Variants in RYR2 observed in about 807,000 individuals in gnomAD.
RYR2 encodes ryanodine receptor 2, also known as cardiac muscle ryanodine receptor-calcium release channel.
Under a neutral mutation model 601.1 loss-of-function variants are expected in RYR2, and 227 were observed. That is an observed-to-expected ratio of 0.38 (90% CI 0.34 to 0.42). RYR2 has a LOEUF of 0.42. Ranked by LOEUF, RYR2 falls within the 10% of genes least tolerant of loss-of-function variation. The probability of loss-of-function intolerance (pLI) is 1.00; values close to 1 mark genes in which losing one functional copy is unlikely to be tolerated. For synonymous variants in RYR2, 2,223 were observed against 2,175.1 expected (o/e 1.02, Z -0.61); for missense variants, 4,646 against 6,156.5 (o/e 0.75, Z 8.21).
chr1:237,518,609 A>G (rs1478602147), intron 24 of RYR2, among the ~76,000 whole-genome samples: 2 of 152,194 alleles, frequency 1.3e-5, no homozygotes, highest in African/African-American at 4.8e-5. Flanking sequence ...TTTACTGCTG[A>G]ATAATAGTCC....
chr1:237,829,459 C>T (rs1663528014), intron 102 of RYR2, among the ~76,000 whole-genome samples: 1 of 152,134 alleles, frequency 6.6e-6, no homozygotes, highest in African/African-American at 2.4e-5. Context: ...AGGGGATATC[C>T]AGGCTTCAGG....
chr1:237,742,204 A>C, intron 79 of RYR2, 92 bp from the exon 80 acceptor site: 3 of 792,488 alleles, frequency 3.8e-6, no homozygotes, highest in Non-Finnish European at 6.1e-6. Flanking sequence ...AATTAATACA[A>C]ATGATTTGCT....
intron 9 of RYR2, among the ~76,000 whole-genome samples, chr1:237,387,723 C>T (rs540596127): frequency 6.6e-6 from 1 of 152,266 alleles, no homozygotes; most frequent in South Asian, 2.1e-4. Flanking sequence ...TGAGGTCATG[C>T]CTTATAGCTG....
chr1:237,351,691 A>G (rs1402946514), intron 3 of RYR2, among the ~76,000 whole-genome samples: 2 of 151,924 alleles, frequency 1.3e-5, no homozygotes, highest in Non-Finnish European at 2.9e-5. Flanking sequence ...ATTTATAATT[A>G]AAGCCTTCTC....
chr1:237,595,347 C>T (rs1675775241), intron 33 of RYR2, 151 bp from the exon 34 acceptor site: 3 of 828,354 alleles, frequency 3.6e-6, no homozygotes, highest in Non-Finnish European at 3.7e-6. Flanking sequence ...GAGTTTTGCT[C>T]AGAATCACAG....
chr1:237,177,993 C>T (rs937347444), intron 1 of RYR2, among the ~76,000 whole-genome samples: 2 of 152,174 alleles, frequency 1.3e-5, no homozygotes, highest in Non-Finnish European at 2.9e-5. Context: ...TGCATGCTCT[C>T]AGTGATAACA....
At chr1:237,179,236 A>G (rs1678424400) in intron 1 of RYR2, among the ~76,000 whole-genome samples, 1 of 151,118 alleles carries the variant, frequency 6.6e-6, no homozygotes, top group Non-Finnish European at 1.5e-5. Context: ...TATTTCAGAT[A>G]TGAAGAGACA....
chr1:237,675,487 T>C (rs1685316377), intron 60 of RYR2, among the ~76,000 whole-genome samples: 1 of 152,178 alleles, frequency 6.6e-6, no homozygotes, highest in Non-Finnish European at 1.5e-5. Flanking sequence ...TTTCTTACCT[T>C]AATGTCAGAG....
At chr1:237,669,668 C>T (rs1169284674) in intron 58 of RYR2, among the ~76,000 whole-genome samples, 7 of 149,202 alleles carry the variant, frequency 4.7e-5, no homozygotes, top group Admixed American at 2.0e-4. Context: ...AGGGCAGAGG[C>T]GGTCCCCACA....
At chr1:237,120,571 A>G (rs1177623134) in intron 1 of RYR2, among the ~76,000 whole-genome samples, 1 of 152,142 alleles carries the variant, frequency 6.6e-6, no homozygotes, top group Non-Finnish European at 1.5e-5. Flanking sequence ...TCTTCCACTA[A>G]GTAGCTTTGT....
chr1:237,248,312 G>T (rs975579722), intron 1 of RYR2, among the ~76,000 whole-genome samples: 24 of 98,106 alleles, frequency 2.4e-4, no homozygotes, highest in Middle Eastern at 0.01. Context: ...AAATGATGAT[G>T]TATCATTTGA....
In RYR2 at chr1:237,279,487, A is replaced by G. The variant is rs376389921; in HGVS notation, c.168+8871A>G. ...AGTGAGACTCTGTCTCAATCAATAA[A>G]TCATTAAATCAATTAATTAAATCTC... On this transcript the variant is annotated intron_variant, in intron 2 of 104. Transcript: ENST00000366574. Among the ~76,000 whole-genome samples, 10 of 152,330 alleles carry G rather than the reference A, an allele frequency of 6.6e-5. No individual in the cohort carries two copies. The South Asian group carries it at 1.9e-3, about 28-fold the overall frequency.
intron 38 of RYR2, among the ~76,000 whole-genome samples, chr1:237,618,595 C>T (rs570472211): frequency 6.6e-6 from 1 of 152,272 alleles, no homozygotes; most frequent in African/African-American, 2.4e-5. Flanking sequence ...AAAGCTGCAA[C>T]AAAAGCCTCC....
chr1:237,205,321 C>T (rs1302834940), intron 1 of RYR2, among the ~76,000 whole-genome samples: 3 of 152,110 alleles, frequency 2.0e-5, no homozygotes, highest in Non-Finnish European at 4.4e-5. Context: ...GCTGTAGAGC[C>T]CTTGGGAGCC....
chr1:237,091,622 G>A (rs753900092), intron 1 of RYR2, among the ~76,000 whole-genome samples: 12 of 152,124 alleles, frequency 7.9e-5, no homozygotes, highest in East Asian at 1.9e-4. Context: ...ACGGGGTTTC[G>A]CCATGTTGCC....
chr1:237,171,466 T>C (rs1677387023), intron 1 of RYR2, among the ~76,000 whole-genome samples: 1 of 152,146 alleles, frequency 6.6e-6, no homozygotes, highest in African/African-American at 2.4e-5. Flanking sequence ...CAGGTGCCAA[T>C]ATGAATAACG....
chr1:237,819,774 C>T lies in RYR2; in HGVS notation c.14590+582C>T, dbSNP rs4659808. 0.38 allele frequency among the ~76,000 whole-genome samples: 58,171 copies of T among 151,826 alleles called. 11,448 individuals are homozygous for T. The highest frequency in any genetic ancestry group is 0.47 in the African/African-American group (19,415 of 41,348). On this transcript the variant is annotated intron_variant, in intron 101 of 104. Transcript: ENST00000366574. This position sits in a 1 kb window ranked among gnomAD's most constrained non-coding sequence, Gnocchi z 4.0. ...TGGAGGTTGCAGTGAGCCAAGATCA[C>T]GCCACTGCACTCCAGCCTGGGCAAC... is the stretch of plus-strand genomic sequence containing the variant.
At chr1:237,617,993 A>G (rs180911014) in intron 38 of RYR2, among the ~76,000 whole-genome samples, 17 of 152,256 alleles carry the variant, frequency 1.1e-4, no homozygotes, top group Admixed American at 4.6e-4. Context: ...ATATCAGAGA[A>G]TGGGCTAGTT....
chr1:237,657,192 T>G (rs944403483), intron 53 of RYR2, among the ~76,000 whole-genome samples: 3 of 152,214 alleles, frequency 2.0e-5, no homozygotes, highest in African/African-American at 7.2e-5. Flanking sequence ...TATATATTGC[T>G]TCTTAAGTAT....
Sources: gnomAD v4.1 joint callset for allele counts (sites outside exome capture counted in the v4.1 genomes callset) on GRCh38, gnomAD v4.1.1 for gene constraint, Gnocchi (gnomAD v3.1) non-coding constraint, MANE v1.5 for transcripts, NCBI Gene and HGNC (gene_info 2026-07-23, HGNC 2026-07-21) for gene names.